TRIM58: variants seen among roughly 807,000 people sequenced by gnomAD.
The protein encoded by TRIM58 is tripartite motif containing 58.
A neutral mutation model predicts 34.1 loss-of-function variants in TRIM58; 38 were observed. That is an observed-to-expected ratio of 1.12 (90% confidence interval 0.86 to 1.46). The LOEUF (loss-of-function observed/expected upper bound fraction) is 1.46. TRIM58 is among the 40% of genes most tolerant of loss of function. TRIM58 has a pLI of 0.00. For synonymous variants in TRIM58, 273 were observed against 275.7 expected (o/e 0.99, Z 0.10); for missense variants, 677 against 642.0 (o/e 1.05, Z -0.59).
At chr1:247,869,623 G>A (rs1159665121) in intron 5 of TRIM58, among the ~76,000 whole-genome samples, 1 of 152,226 alleles carries the variant, frequency 6.6e-6, no homozygotes, top group East Asian at 1.9e-4. Context: ...GTACTTCACA[G>A]TATCATAGGC....
rs142451395 is a variant in TRIM58, at chr1:247,863,492, C to G, written c.517-1213C>G. Among the ~76,000 whole-genome samples, 4 of 151,736 alleles carry G rather than the reference C, an allele frequency of 2.6e-5. No homozygotes were observed. In the South Asian group the frequency reaches 6.3e-4, roughly 24 times the overall value. On this transcript the variant is annotated intron_variant, in intron 2 of 5. Coordinates refer to ENST00000366481, the MANE Select transcript of TRIM58 (RefSeq NM_015431.4). ...GGAGGAGGTTGTAGTGAGCCGAGATCGCGCCACTGCACTCTAGCCTGGGTG... is the reference window on the plus strand; with the variant it reads ...GGAGGAGGTTGTAGTGAGCCGAGATGGCGCCACTGCACTCTAGCCTGGGTG...
At chr1:247,861,614 C>G (rs1663794676) in intron 2 of TRIM58, among the ~76,000 whole-genome samples, 1 of 151,966 alleles carries the variant, frequency 6.6e-6, no homozygotes, top group African/African-American at 2.4e-5. Flanking sequence ...TATTCCTATT[C>G]TTTCTCCTTT....
intron 5 of TRIM58, among the ~76,000 whole-genome samples, chr1:247,872,617 A>G (rs575420367): frequency 9.8e-5 from 15 of 152,336 alleles, no homozygotes; most frequent in Admixed American, 7.2e-4. Context: ...TGAATGTACA[A>G]TAGGGAGTTT....
chr1:247,866,648 G>T (rs984211714), intron 3 of TRIM58, among the ~76,000 whole-genome samples: 4 of 152,040 alleles, frequency 2.6e-5, no homozygotes, highest in African/African-American at 9.7e-5. Context: ...TGTCACTCAC[G>T]CTGGAGTGCA....
rs752395095 is a variant in TRIM58, at chr1:247,876,324, T to A, written c.1296T>A (p.Tyr432Ter). The A allele has an allele frequency of 6.2e-7, 1 of 1,613,970 alleles. No individual in the cohort carries two copies. Among genetic ancestry groups the A allele is most frequent in the Admixed American group, 1.7e-5 (1 of 59,990 alleles). The change falls in exon 6 of 6, where the codon TAT (tyrosine) becomes TAA (stop). Residue 432 changes from tyrosine (Y) to a stop codon, truncating the protein, a stop_gained. Coordinates refer to ENST00000366481, the MANE Select transcript of TRIM58 (RefSeq NM_015431.4). LOFTEE classifies it low-confidence loss of function (END_TRUNC). ...TCTACAATGTCACAGATGGATCTTA[T>A]ATCTACACATTCAACCAACTCTTCT... ...ISFYNVTDGS[Y>*]IYTFNQLFSG... is the part of the protein sequence containing the mutation.
At chr1:247,863,145 G>C (rs990952724) in intron 2 of TRIM58, among the ~76,000 whole-genome samples, 4 of 152,226 alleles carry the variant, frequency 2.6e-5, no homozygotes, top group Non-Finnish European at 5.9e-5. Flanking sequence ...AGGAGGTAGA[G>C]ATGGAAAATG....
intron 5 of TRIM58, 26 bp downstream of exon 5, chr1:247,868,089 T>A (rs753238298): frequency 1.3e-6 from 2 of 1,566,960 alleles, no homozygotes; most frequent in Non-Finnish European, 1.7e-6. Context: ...AGACTGGGAA[T>A]TAGGCTGCCT....
At chr1:247,865,823 C>G (rs1050814490) in intron 3 of TRIM58, among the ~76,000 whole-genome samples, 1 of 152,154 alleles carries the variant, frequency 6.6e-6, no homozygotes, top group African/African-American at 2.4e-5. Context: ...CAGTGACTCA[C>G]GCAGGGGATT....
At position 247,876,039 on chromosome 1, in the gene TRIM58, T is replaced by A. The variant is rs777198544; in HGVS notation, c.1011T>A (p.Gly337=). ...ERFDTWPCIL[G]LQSFSSGRHY... ...TTGACACATGGCCCTGCATCCTGGG[T>A]TTGCAGAGCTTCTCATCAGGGAGGC... Residue 337 remains glycine (G), a synonymous_variant, in exon 6 of 6, where the codon GGT becomes GGA. Coordinates refer to ENST00000366481, the MANE Select transcript of TRIM58 (RefSeq NM_015431.4). The A allele has an allele frequency of 3.1e-6, 5 of 1,614,144 alleles. No individual in the cohort carries two copies. Among genetic ancestry groups the A allele is most frequent in the Non-Finnish European group, 2.5e-6 (3 of 1,180,026 alleles).
intron 2 of TRIM58, among the ~76,000 whole-genome samples, chr1:247,862,458 C>T (rs1245611380): frequency 6.6e-6 from 1 of 152,050 alleles, no homozygotes; most frequent in African/African-American, 2.4e-5. Flanking sequence ...ATAAAAAGAA[C>T]AAGAACAAAG....
chr1:247,879,422 C>G lies in TRIM58; in HGVS notation c.*2933C>G, dbSNP rs1291929685. On this transcript the variant is annotated 3_prime_UTR_variant, in exon 6 of 6. Transcript: ENST00000366481. Reference sequence around the variant, plus strand: ...CAGTGGTCCTGCTTGGGCTCTAGGCCCTTCCACTCCCATTCTCTCTACAGC... The same window carrying G: ...CAGTGGTCCTGCTTGGGCTCTAGGCGCTTCCACTCCCATTCTCTCTACAGC... Among the ~76,000 whole-genome samples the G allele has an allele frequency of 6.6e-6, 1 of 152,134 alleles. No individual in the cohort carries two copies. Among genetic ancestry groups the G allele is most frequent in the Non-Finnish European group, 1.5e-5 (1 of 68,026 alleles).
intron 2 of TRIM58, 145 bp from the exon 3 acceptor site, chr1:247,864,560 G>A (rs1342845763): frequency 1.3e-6 from 1 of 745,992 alleles, no homozygotes; most frequent in Non-Finnish European, 2.2e-6. Context: ...ATGGACTCCA[G>A]TCTGTGCATG....
At chr1:247,866,156 G>T (rs886477985) in intron 3 of TRIM58, among the ~76,000 whole-genome samples, 1 of 151,958 alleles carries the variant, frequency 6.6e-6, no homozygotes, top group Non-Finnish European at 1.5e-5. Flanking sequence ...CAAAATACAA[G>T]AACTTTGACG....
Position 247,857,430 on chromosome 1 carries a change from G to C in TRIM58, c.184G>C (p.Gly62Arg). Residue 62 changes from glycine to arginine, a missense_variant, in exon 1 of 6, where the codon GGC becomes CGC. Physicochemically the swap from Gly to Arg is moderately radical, Grantham distance 125. Coordinates refer to ENST00000366481, the MANE Select transcript of TRIM58 (RefSeq NM_015431.4). ...CGTCTACGCCTGTCCGCAGTGCCGG[G>C]GCCCCTTCCGGCCCTCGGGCTTTCG... ...GGVYACPQCR[G>R]PFRPSGFRPN... The C allele has an allele frequency of 6.9e-7, 1 of 1,454,486 alleles. No homozygotes were observed. Among genetic ancestry groups the C allele is most frequent in the Non-Finnish European group, 9.1e-7 (1 of 1,097,068 alleles). The allele number at this position is 1,454,486 out of a possible 1,614,324, so 90.1% of individuals were successfully genotyped here.
At position 247,857,612 on chromosome 1, in the gene TRIM58, CG is replaced by C. The variant is rs781138181; in HGVS notation, c.367del (p.Glu123SerfsTer19). On this transcript the variant is annotated frameshift_variant, in exon 1 of 6. Coordinates refer to ENST00000366481, the MANE Select transcript of TRIM58 (RefSeq NM_015431.4). LOFTEE classifies it high-confidence loss of function. ...TGTGCTGGGTGTGCGACGCCGGCCC[CG>C]AGCACAGGACGCACCGCACGGCGCC... ...ALCWVCDAGP[E>X]HRTHRTAPLQ... The C allele has an allele frequency of 8.0e-7, 1 of 1,257,154 alleles. No individual in the cohort carries two copies. The highest frequency in any genetic ancestry group is 1.0e-6 in the Non-Finnish European group (1 of 1,004,100). 77.9% of individuals were successfully genotyped at this position (1,257,154 alleles called of 1,614,324 possible). A position where few individuals can be genotyped will look rare whatever the true frequency, so the allele number is the denominator to read the frequency against.
At chr1:247,859,516 T>C (rs1260242407) in intron 1 of TRIM58, among the ~76,000 whole-genome samples, 1 of 152,192 alleles carries the variant, frequency 6.6e-6, no homozygotes, top group African/African-American at 2.4e-5. Flanking sequence ...GTATGTATCT[T>C]TGTGAGTATT....
chr1:247,879,001 C>T lies in TRIM58; in HGVS notation c.*2512C>T, dbSNP rs545607500. ...TTTGTTTCGTTACCAGCAAAATCCT[C>T]GACATCCATACCCGTTTCCTGGCTT... On this transcript the variant is annotated 3_prime_UTR_variant, in exon 6 of 6. Coordinates refer to ENST00000366481, the MANE Select transcript of TRIM58 (RefSeq NM_015431.4). Among the ~76,000 whole-genome samples the T allele has an allele frequency of 4.9e-4, 74 of 152,272 alleles. No homozygotes were observed. Among genetic ancestry groups the T allele is most frequent in the Non-Finnish European group, 8.7e-4 (59 of 68,032 alleles).
At position 247,860,727 on chromosome 1, in the gene TRIM58, G is replaced by A. The variant is rs1317798168; in HGVS notation, c.516+15G>A. Reference sequence around the variant, plus strand: ...TCATTTGGAAGGTAAGACCATGTTGGGGCTTTAGGAGGCTTGCCTGTTTGA... The same window carrying A: ...TCATTTGGAAGGTAAGACCATGTTGAGGCTTTAGGAGGCTTGCCTGTTTGA... On this transcript the variant is annotated intron_variant, in intron 2 of 5. Coordinates refer to ENST00000366481, the MANE Select transcript of TRIM58 (RefSeq NM_015431.4). 6.3e-7 allele frequency: 1 copy of A among 1,598,494 alleles called. No homozygotes were observed. The highest frequency in any genetic ancestry group is 1.3e-5 in the African/African-American group (1 of 74,562).
rs1425752951 is a variant in TRIM58 at position 247,868,035 on chromosome 1, G to A, written c.843G>A (p.Gly281=). 1.2e-6 allele frequency: 2 copies of A among 1,610,440 alleles called. No homozygotes were observed. Among genetic ancestry groups the A allele is most frequent in the African/African-American group, 1.3e-5 (1 of 74,992 alleles). ...MELKTACCIP[G]RRELLRKFQV... ...TGAAGACAGCATGCTGCATCCCTGG[G>A]AGGAGGGAGCTCTTAAGGAAGTTCC... The change falls in exon 5 of 6, where the codon GGG becomes GGA. Residue 281 remains glycine, a synonymous_variant. Transcript: ENST00000366481.
Sources: gnomAD v4.1 joint callset for allele counts (sites outside exome capture counted in the v4.1 genomes callset) on GRCh38, gnomAD v4.1.1 for gene constraint, MANE v1.5 for transcripts, NCBI Gene and HGNC (gene_info 2026-07-23, HGNC 2026-07-21) for gene names.